CUL4B: variants seen among roughly 807,000 people sequenced by gnomAD.
The protein encoded by CUL4B is cullin 4B.
A neutral mutation model predicts 69.2 loss-of-function variants in CUL4B; 1 was observed. The ratio of observed to expected loss-of-function variants is 0.01; its 90% CI spans 0.01 to 0.07. CUL4B has a LOEUF of 0.07. Among genes scored for constraint, CUL4B ranks in the 10% least tolerant of loss-of-function variants. The probability of loss-of-function intolerance (pLI) is 1.00; values close to 1 mark genes in which losing one functional copy is unlikely to be tolerated. For missense variants in CUL4B, 328 were observed against 638.8 expected (o/e 0.51, Z 5.24); for synonymous variants, 237 against 223.2 (o/e 1.06, Z -0.55).
upstream of CUL4B, among the ~76,000 whole-genome samples, chrX:120,561,738 T>G (rs1925335157): frequency 9.3e-6 from 1 of 107,834 alleles, no homozygotes; most frequent in African/African-American, 3.4e-5. Flanking sequence ...GAATAAGGAG[T>G]GGTTGCAAGG....
At chrX:120,565,910 A>G (rs182805889), upstream of CUL4B, among the ~76,000 whole-genome samples, 671 of 105,023 alleles carry the variant, frequency 6.4e-3, 9 homozygotes, top group African/African-American at 0.022. Flanking sequence ...TTGTATTTTT[A>G]GTAGAGATGA....
At chrX:120,536,089 G>A (rs998599179) in intron 15 of CUL4B, 146 bp from the exon 16 acceptor site, 1 of 477,284 alleles carries the variant, frequency 2.1e-6, no homozygotes, top group Non-Finnish European at 3.7e-6. Flanking sequence ...GAAAAACAAT[G>A]ATCTCCCAAC....
At position 120,546,902 on chromosome X, in the gene CUL4B, G is replaced by C. The variant is rs983202794; in HGVS notation, c.776+234C>G. On this transcript the variant is annotated intron_variant, in intron 3 of 19. Coordinates refer to ENST00000371322, the MANE Select transcript of CUL4B (RefSeq NM_001079872.2). Reference sequence around the variant, plus strand: ...TTTTCCTCAAGTGGAAATCTGATAGGGCAAAAAGGATAAAGACATAAGGAC... The same window carrying C: ...TTTTCCTCAAGTGGAAATCTGATAGCGCAAAAAGGATAAAGACATAAGGAC... Among the ~76,000 whole-genome samples, 4 of 111,772 alleles carry C rather than the reference G, an allele frequency of 3.6e-5. No individual in the cohort carries two copies. In the Admixed American group the frequency reaches 3.8e-4, roughly 11 times the overall value.
At chrX:120,540,869 C>T (rs1923946474) in intron 10 of CUL4B, among the ~76,000 whole-genome samples, 1 of 112,039 alleles carries the variant, frequency 8.9e-6, no homozygotes, top group Admixed American at 9.5e-5. Flanking sequence ...GTTAACCACT[C>T]ATCTATAATC....
chrX:120,555,563 T>A (rs1924912551), intron 2 of CUL4B, among the ~76,000 whole-genome samples: 1 of 111,068 alleles, frequency 9.0e-6, no homozygotes, highest in Non-Finnish European at 1.9e-5. Flanking sequence ...AAATCCAGCA[T>A]CTCAGTTTGA....
chrX:120,543,674 G>C, intron 8 of CUL4B, 53 bp downstream of exon 8: 1 of 873,446 alleles, frequency 1.1e-6, no homozygotes, highest in Admixed American at 2.2e-5. Flanking sequence ...CTAAAGTGCT[G>C]CAAGTGATTT....
chrX:120,542,927 A>AATGGCAAAC (rs1383806695), intron 9 of CUL4B, 39 bp downstream of exon 9: 1 of 1,040,644 alleles, frequency 9.6e-7, no homozygotes, highest in African/African-American at 1.9e-5. Context: ...TGCCACTACC[A>AATGGCAAAC]TTTAAAAAGC....
downstream of CUL4B, among the ~76,000 whole-genome samples, chrX:120,567,335 C>T (rs759338981): frequency 1.8e-5 from 2 of 109,030 alleles, no homozygotes; most frequent in African/African-American, 6.7e-5. Flanking sequence ...CCATGTTGGC[C>T]AGGCTGGTCT....
exon 3 of CUL4B, chrX:120,571,483 A>G (rs747908722): frequency 9.0e-6 from 1 of 111,288 alleles, no homozygotes; most frequent in East Asian, 2.8e-4. Context: ...GCACCCTCCA[A>G]CCTGGTGGAA....
rs1922913358 is a variant in CUL4B at position 120,525,390 on chromosome X, C to G, written c.*1371G>C. On this transcript the variant is annotated 3_prime_UTR_variant, in exon 20 of 20. Coordinates refer to ENST00000371322, the MANE Select transcript of CUL4B (RefSeq NM_001079872.2). ...ATAAACAAAATTTTCTGCTTCTCCTCCCTTCAAAGCTTCAAGGAAATAGAA... is the reference window on the plus strand; with the variant it reads ...ATAAACAAAATTTTCTGCTTCTCCTGCCTTCAAAGCTTCAAGGAAATAGAA... 9.0e-6 allele frequency: 1 copy of G among 111,315 alleles called. No homozygotes were observed. Among genetic ancestry groups the G allele is most frequent in the Non-Finnish European group, 1.9e-5 (1 of 53,030 alleles). 9.2% of individuals were successfully genotyped at this position (111,315 alleles called of 1,213,427 possible).
intron 2 of CUL4B, among the ~76,000 whole-genome samples, chrX:120,553,344 T>C (rs192542859): frequency 3.6e-5 from 4 of 112,103 alleles, no homozygotes; most frequent in East Asian, 2.8e-4. Flanking sequence ...GATTTTACAA[T>C]TGATAATAAC....
downstream of CUL4B, among the ~76,000 whole-genome samples, chrX:120,570,076 T>G (rs1925671527): frequency 1.8e-5 from 2 of 111,796 alleles, no homozygotes; most frequent in Non-Finnish European, 3.8e-5. Context: ...ACAGCAATCT[T>G]AGGCCTCTTA....
At chrX:120,570,739 T>A (rs1480590244), downstream of CUL4B, among the ~76,000 whole-genome samples, 3 of 112,364 alleles carry the variant, frequency 2.7e-5, no homozygotes, top group Admixed American at 9.5e-5. Flanking sequence ...TATACAGCAT[T>A]GAACAATGAA....
At chrX:120,556,916 T>A (rs950289110) in intron 2 of CUL4B, among the ~76,000 whole-genome samples, 20 of 94,026 alleles carry the variant, frequency 2.1e-4, no homozygotes, top group African/African-American at 5.6e-4. Flanking sequence ...TATATATATT[T>A]TTTTTTTTTT....
At chrX:120,529,953 TGGAAATCA>T in intron 19 of CUL4B, 141 bp downstream of exon 19, 1 of 584,521 alleles carries the variant, frequency 1.7e-6, no homozygotes, top group African/African-American at 2.3e-5. Context: ...TTTTTTTTTT[TGGAAATCA>T]TATGCATCAA....
Position 120,536,015 on chromosome X carries a change from T to A in CUL4B, c.2047-72A>T, listed in dbSNP as rs1005665033. ...CACATTTACCATTTTTATACTTACC[T>A]CATGTGATATAGTTTCTGGAAAATT... On this transcript the variant is annotated intron_variant, in intron 15 of 19. Coordinates refer to ENST00000371322, the MANE Select transcript of CUL4B (RefSeq NM_001079872.2). The A allele has an allele frequency of 1.3e-5, 10 of 757,216 alleles. No homozygotes were observed. In the East Asian group the frequency reaches 3.2e-4, roughly 24 times the overall value. The allele number at this position is 757,216 out of a possible 1,213,427, so 62.4% of individuals were successfully genotyped here.
chrX:120,570,773 T>C (rs1345689207), downstream of CUL4B, among the ~76,000 whole-genome samples: 1 of 112,345 alleles, frequency 8.9e-6, no homozygotes, highest in East Asian at 2.8e-4. Context: ...TGTGCATAAG[T>C]CTCAAACAAT....
intron 2 of CUL4B, among the ~76,000 whole-genome samples, chrX:120,574,081 C>T (rs1383018692): frequency 9.3e-6 from 1 of 107,902 alleles, no homozygotes; most frequent in Non-Finnish European, 1.9e-5. Flanking sequence ...CCCCGCCAAC[C>T]CCTCCTCCCC....
At chrX:120,566,161 C>T (rs886291281), upstream of CUL4B, among the ~76,000 whole-genome samples, 3 of 106,125 alleles carry the variant, frequency 2.8e-5, no homozygotes, top group Non-Finnish European at 5.8e-5. Flanking sequence ...GCTATCAACA[C>T]CAATGGGCTG....
Sources: gnomAD v4.1 joint callset for allele counts (sites outside exome capture counted in the v4.1 genomes callset) on GRCh38, gnomAD v4.1.1 for gene constraint, MANE v1.5 for transcripts, NCBI Gene and HGNC (gene_info 2026-07-23, HGNC 2026-07-21) for gene names.